The following NTRK3 variants were observed in gnomAD, a reference collection of about 807,000 sequenced individuals.
NTRK3 encodes NT-3 growth factor receptor.
In NTRK3, 24 loss-of-function variants were observed where a neutral mutation model predicts 91.7. The observed-to-expected ratio is 0.26, with a 90% CI of 0.19 to 0.37. The LOEUF (loss-of-function observed/expected upper bound fraction) is 0.37, where lower values mean the gene tolerates loss of function less well. Ranked by LOEUF, NTRK3 falls within the 10% of genes least tolerant of loss-of-function variation. The probability of loss-of-function intolerance (pLI) is 1.00; values close to 1 mark genes in which losing one functional copy is unlikely to be tolerated. For synonymous variants in NTRK3, 483 were observed against 404.0 expected (o/e 1.20, Z -2.34); for missense variants, 880 against 1,068.9 (o/e 0.82, Z 2.46).
chr15:88,142,146 G>A (rs907229978), intron 6 of NTRK3, among the ~76,000 whole-genome samples: 5 of 151,846 alleles, frequency 3.3e-5, no homozygotes, highest in Non-Finnish European at 1.5e-5. Context: ...AGCAAAGACC[G>A]GCACATCCTA....
intron 5 of NTRK3, among the ~76,000 whole-genome samples, chr15:88,157,728 G>A (rs969886506): frequency 6.6e-6 from 1 of 152,078 alleles, no homozygotes; most frequent in Non-Finnish European, 1.5e-5. Flanking sequence ...GGACTTGGGA[G>A]AGGAGATAAC....
At chr15:87,907,632 C>G (rs190970713) in intron 17 of NTRK3, among the ~76,000 whole-genome samples, 1 of 152,108 alleles carries the variant, frequency 6.6e-6, no homozygotes. Context: ...TGGAAAGCCT[C>G]TCAAGATGGC....
intron 13 of NTRK3, among the ~76,000 whole-genome samples, chr15:88,047,106 G>T (rs751707020): frequency 7.9e-5 from 12 of 152,078 alleles, no homozygotes; most frequent in Non-Finnish European, 1.6e-4. Flanking sequence ...GAGGTTCCAC[G>T]CATGCCCACC....
chr15:88,096,255 G>C (rs926908860), intron 13 of NTRK3, among the ~76,000 whole-genome samples: 1 of 152,014 alleles, frequency 6.6e-6, no homozygotes, highest in Non-Finnish European at 1.5e-5. Context: ...CTCTCCTCCA[G>C]GCCTTATTAC....
chr15:87,898,024 T>C (rs149957296), intron 17 of NTRK3, among the ~76,000 whole-genome samples: 2 of 152,288 alleles, frequency 1.3e-5, no homozygotes, highest in Non-Finnish European at 2.9e-5. Flanking sequence ...TTAAATGAGA[T>C]AGTAAGTGAA....
chr15:88,256,699 C>G (rs1006863694), exon 1 of NTRK3: 4 of 382,650 alleles, frequency 1.0e-5, no homozygotes, highest in Non-Finnish European at 1.4e-5. Context: ...CAGCAGCCGC[C>G]GCGAATGGCT....
At chr15:87,875,651 TGAG>T (rs1365524604) in exon 19 of NTRK3, 1 of 232,372 alleles carries the variant, frequency 4.3e-6, no homozygotes, top group Non-Finnish European at 8.5e-6. Flanking sequence ...GCTGGAAACG[TGAG>T]GAGAATGCCA....
chr15:88,085,158 T>C (rs1320629756), intron 13 of NTRK3, among the ~76,000 whole-genome samples: 2 of 152,210 alleles, frequency 1.3e-5, no homozygotes, highest in Non-Finnish European at 2.9e-5. Context: ...CCTTTCTTCC[T>C]ACGTTGAGAA....
chr15:88,138,314 G>T (rs927607003), intron 6 of NTRK3, among the ~76,000 whole-genome samples: 1 of 152,038 alleles, frequency 6.6e-6, no homozygotes, highest in Non-Finnish European at 1.5e-5. Flanking sequence ...GGAGGCTGAG[G>T]CGGGAGAATG....
At position 88,243,022 on chromosome 15, in the gene NTRK3, G is replaced by GAGCTGC. The variant is rs569702929; in HGVS notation, c.248+12878_248+12883dup. On this transcript the variant is annotated intron_variant, in intron 3 of 18. Coordinates refer to ENST00000394480, the Ensembl canonical transcript of NTRK3. The surrounding 1 kb of genome is among the most constrained non-coding windows in gnomAD (Gnocchi z 4.8). ...ATAGGGCCCTCCCACGGAGGAGGAGGAGCTGCAGCTGCAGGCCCTAAAAAT... is the reference window on the plus strand; with the variant it reads ...ATAGGGCCCTCCCACGGAGGAGGAGGAGCTGCAGCTGCAGCTGCAGGCCCTAAAAAT... Among the ~76,000 whole-genome samples, 77 of 152,318 alleles carry GAGCTGC rather than the reference G, an allele frequency of 5.1e-4. No individual in the cohort carries two copies. The highest frequency in any genetic ancestry group is 1.6e-3 in the African/African-American group (66 of 41,574).
rs2048635025 is a variant in NTRK3, at chr15:88,087,728, ACGT to A, written c.1396+38540_1396+38542del. Among the ~76,000 whole-genome samples the A allele has an allele frequency of 2.0e-5, 3 of 152,188 alleles. No individual in the cohort carries two copies. In the South Asian group the frequency reaches 6.2e-4, roughly 32 times the overall value. ...GGTGGCGATTTCACTGGCATATGCA[ACGT>A]CACAACCTCAAATCATACTTTAAAT... On this transcript the variant is annotated intron_variant, in intron 13 of 18. Coordinates refer to ENST00000394480, the Ensembl canonical transcript of NTRK3.
At chr15:88,010,699 T>C (rs1296067161) in intron 14 of NTRK3, among the ~76,000 whole-genome samples, 2 of 152,032 alleles carry the variant, frequency 1.3e-5, no homozygotes, top group Non-Finnish European at 2.9e-5. Flanking sequence ...ATAACAGAAC[T>C]TGCTAAATGT....
At chr15:87,869,996 A>T (rs1005510890) in exon 19 of NTRK3, 1 of 192,702 alleles carries the variant, frequency 5.2e-6, no homozygotes, top group South Asian at 1.9e-4. Flanking sequence ...GGGATGTTGC[A>T]TGTAAAAGAA....
chr15:88,215,352 C>A (rs1164805100), intron 3 of NTRK3, among the ~76,000 whole-genome samples: 1 of 152,254 alleles, frequency 6.6e-6, no homozygotes, highest in Non-Finnish European at 1.5e-5. Context: ...CGGCCCCCCA[C>A]TGCCCCACCT....
intron 14 of NTRK3, among the ~76,000 whole-genome samples, chr15:87,969,846 T>C (rs935708217): frequency 2.6e-5 from 4 of 152,210 alleles, no homozygotes; most frequent in African/African-American, 7.2e-5. Flanking sequence ...CTTGTCCAGC[T>C]GTGACAGAGA....
rs1209858682 is a variant in NTRK3, at chr15:88,077,087, C to A, written c.1397-44042G>T. Among the ~76,000 whole-genome samples the A allele has an allele frequency of 2.0e-5, 3 of 152,108 alleles. No homozygotes were observed. The East Asian group carries it at 5.8e-4, about 29-fold the overall frequency. On this transcript the variant is annotated intron_variant, in intron 13 of 18. Transcript: ENST00000394480. The stretch of plus-strand genomic sequence containing the variant: ...CCAGCCAGGGTGACAGAGCTAGACT[C>A]CATCAAATAAATAAATAAATAAAAC...
intron 13 of NTRK3, among the ~76,000 whole-genome samples, chr15:88,062,646 C>A (rs1359214652): frequency 6.6e-6 from 1 of 152,256 alleles, no homozygotes; most frequent in Non-Finnish European, 1.5e-5. Context: ...AAACCTTGGA[C>A]TGCCTATTTC....
chr15:88,141,659 G>A (rs981894177), intron 6 of NTRK3, among the ~76,000 whole-genome samples: 3 of 152,250 alleles, frequency 2.0e-5, no homozygotes, highest in Non-Finnish European at 2.9e-5. Context: ...CTGCATTGCC[G>A]CAAGCCACAC....
intron 17 of NTRK3, among the ~76,000 whole-genome samples, chr15:87,898,115 C>A (rs1227923998): frequency 1.3e-5 from 2 of 152,206 alleles, no homozygotes; most frequent in Non-Finnish European, 1.5e-5. Context: ...ATGCTAATTT[C>A]TCAATGATTA....
Sources: allele counts gnomAD v4.1 joint callset (sites outside exome capture counted in the v4.1 genomes callset), GRCh38; gene constraint gnomAD v4.1.1; non-coding constraint Gnocchi (gnomAD v3.1); transcripts MANE v1.5; gene names NCBI Gene and HGNC (gene_info 2026-07-23, HGNC 2026-07-21).